Variants in CSMD2 observed in about 807,000 individuals in gnomAD.
CSMD2 encodes CUB and sushi domain-containing protein 2.
Under a neutral mutation model 398.5 loss-of-function variants are expected in CSMD2, and 130 were observed. The observed-to-expected ratio is 0.33, with a 90% CI of 0.28 to 0.38. The LOEUF (loss-of-function observed/expected upper bound fraction) is 0.38. Among genes scored for constraint, CSMD2 ranks in the 10% least tolerant of loss-of-function variants. CSMD2 has a pLI of 1.00. For missense variants in CSMD2, 3,829 were observed against 4,764.9 expected, an observed-to-expected ratio of 0.80 and a Z score of 5.78; for synonymous variants, 1,828 against 1,908.5, an observed-to-expected ratio of 0.96 and a Z score of 1.10.
At chr1:33,890,398 T>G (rs1166374217) in intron 5 of CSMD2, among the ~76,000 whole-genome samples, 1 of 151,904 alleles carries the variant, frequency 6.6e-6, no homozygotes, top group Non-Finnish European at 1.5e-5. Flanking sequence ...GCCTGGCTAA[T>G]TTTTTGTATT....
In CSMD2 at chr1:33,918,267, C is replaced by T. The variant is rs375141800; in HGVS notation, c.747G>A (p.Gln249=). ...AGTGGGGGCTGGAGATGATGCCACT[C>T]TGGCCCCGCAGGGTCCCACCACAGG... ...DDACGGTLRG[Q]SGIISSPHFP... The change falls in exon 5 of 71, where the codon CAG becomes CAA. Residue 249 remains glutamine (Q), a synonymous_variant. Transcript: ENST00000373381. 1.9e-6 allele frequency: 3 copies of T among 1,613,946 alleles called. No individual in the cohort carries two copies. The African/African-American group carries it at 4.0e-5, about 22-fold the overall frequency.
chr1:33,947,498 C>G (rs150686538), intron 3 of CSMD2, among the ~76,000 whole-genome samples: 18 of 152,338 alleles, frequency 1.2e-4, no homozygotes, highest in African/African-American at 3.8e-4. Context: ...CAGCACACCT[C>G]ACAGCCATCT....
chr1:33,581,529 C>CAAAAAAAAAAAAAAAAAAAAA (rs59068586), intron 47 of CSMD2, among the ~76,000 whole-genome samples: 1 of 36,880 alleles, frequency 2.7e-5, no homozygotes, highest in Non-Finnish European at 4.9e-5. Flanking sequence ...GACTCAGTCT[C>CAAAAAAAAAAAAAAAAAAAAA]AAAAAAAAAA....
In CSMD2 at chr1:33,583,701, G is replaced by T; in HGVS notation, c.7181C>A (p.Ser2394Tyr). 6.2e-7 allele frequency: 1 copy of T among 1,614,224 alleles called. No individual in the cohort carries two copies. The highest frequency in any genetic ancestry group is 8.5e-7 in the Non-Finnish European group (1 of 1,180,036). ...GCTGAGGAAGTACTCCACTGTGAGGGAGATGTTATAGTCGGGCTCCACTCT... is the reference window on the plus strand; with the variant it reads ...GCTGAGGAAGTACTCCACTGTGAGGTAGATGTTATAGTCGGGCTCCACTCT... ...LVRVEPDYNI[S>Y]LTVEYFLSEK... The change falls in exon 47 of 71, where the codon TCC (serine) becomes TAC (tyrosine). Residue 2394 changes from serine (S) to tyrosine (Y), a missense_variant. Coordinates refer to ENST00000373381, the MANE Select transcript of CSMD2 (RefSeq NM_001281956.2).
chr1:33,748,192 G>T (rs1291719586), intron 13 of CSMD2, among the ~76,000 whole-genome samples: 1 of 152,216 alleles, frequency 6.6e-6, no homozygotes, highest in Non-Finnish European at 1.5e-5. Context: ...GTCTTACAAA[G>T]ATCTAATCTT....
In CSMD2 at chr1:33,625,058, C is replaced by G; in HGVS notation, c.5493G>C (p.Thr1831=). Residue 1831 remains threonine, a synonymous_variant, in exon 34 of 71, where the codon ACG becomes ACC. Transcript: ENST00000373381. Reference sequence around the variant, plus strand: ...CGGGTCCTGGTTACTCACCCACACACGTGGGCGCTGAGACATTCCATTGGG... The same window carrying G: ...CGGGTCCTGGTTACTCACCCACACAGGTGGGCGCTGAGACATTCCATTGGG... ...ALAQWNVSAP[T]CVVPCGGNLT... 1 of 1,613,942 alleles carries G rather than the reference C, an allele frequency of 6.2e-7. No homozygotes were observed. The highest frequency in any genetic ancestry group is 2.2e-5 in the East Asian group (1 of 44,860).
At chr1:34,081,901 G>C (rs1435708517) in intron 2 of CSMD2, among the ~76,000 whole-genome samples, 1 of 149,758 alleles carries the variant, frequency 6.7e-6, no homozygotes, top group Non-Finnish European at 1.5e-5. Context: ...CAGCCGCCCA[G>C]TCTGGGAAGT....
intron 6 of CSMD2, among the ~76,000 whole-genome samples, chr1:33,833,484 T>A (rs1470950605): frequency 6.7e-6 from 1 of 148,576 alleles, no homozygotes; most frequent in Non-Finnish European, 1.5e-5. Flanking sequence ...ATAAATTAGG[T>A]ATTGATGGGA....
chr1:33,827,792 G>GT (rs1234366341), intron 6 of CSMD2, among the ~76,000 whole-genome samples: 1 of 152,212 alleles, frequency 6.6e-6, no homozygotes, highest in East Asian at 1.9e-4. Context: ...GTGACTTGCT[G>GT]TAAGTCACAC....
At chr1:33,670,253 C>A (rs113765694) in intron 25 of CSMD2, among the ~76,000 whole-genome samples, 1,828 of 152,310 alleles carry the variant, frequency 0.012, 17 homozygotes, top group Non-Finnish European at 0.018. Flanking sequence ...AATCCCTTAA[C>A]TCTTGTGCCA....
rs539347010 is a variant in CSMD2 at position 33,773,652 on chromosome 1, G to T, written c.1664-901C>A. Among the ~76,000 whole-genome samples, 10 of 152,324 alleles carry T rather than the reference G, an allele frequency of 6.6e-5. No homozygotes were observed. In the South Asian group the frequency reaches 2.1e-3, roughly 32 times the overall value. ...GCTGTGAGAGATGGACGAGGAGGAG[G>T]GGGTGGTGGAGGGGAGGAGGAAGAA... On this transcript the variant is annotated intron_variant, in intron 12 of 70. Transcript: ENST00000373381.
At chr1:34,015,714 A>G (rs1647991985) in intron 3 of CSMD2, among the ~76,000 whole-genome samples, 1 of 152,230 alleles carries the variant, frequency 6.6e-6, no homozygotes, top group Non-Finnish European at 1.5e-5. Flanking sequence ...GGGATTAGAA[A>G]GCACTTTGGA....
intron 27 of CSMD2, among the ~76,000 whole-genome samples, chr1:33,656,131 C>T (rs551371505): frequency 2.6e-4 from 39 of 151,452 alleles, no homozygotes; most frequent in Non-Finnish European, 4.9e-4. Context: ...AAGAAGGAAT[C>T]GAAGAAGGGA....
At chr1:33,660,827 A>C (rs979767564) in intron 26 of CSMD2, among the ~76,000 whole-genome samples, 4 of 152,216 alleles carry the variant, frequency 2.6e-5, no homozygotes, top group Non-Finnish European at 5.9e-5. Flanking sequence ...CTGCATACAT[A>C]CACTATGAGA....
chr1:33,544,102 C>CTTTTTTTT (rs57678063), intron 57 of CSMD2, among the ~76,000 whole-genome samples: 4 of 89,346 alleles, frequency 4.5e-5, no homozygotes, highest in Admixed American at 1.2e-4. Context: ...CCATATTTGT[C>CTTTTTTTT]TTTTTTTTTT....
At chr1:33,717,715 G>T (rs549561340) in intron 19 of CSMD2, among the ~76,000 whole-genome samples, 23 of 151,456 alleles carry the variant, frequency 1.5e-4, no homozygotes, top group Non-Finnish European at 1.5e-5. Flanking sequence ...GGAGAAGAGG[G>T]CTAGGAGAGA....
At chr1:34,007,862 C>T (rs955159434) in intron 3 of CSMD2, among the ~76,000 whole-genome samples, 2 of 152,004 alleles carry the variant, frequency 1.3e-5, no homozygotes, top group Non-Finnish European at 2.9e-5. Context: ...TTTTAATTTT[C>T]TTCTTTGTGC....
At chr1:33,703,298 T>C (rs1645671429) in intron 22 of CSMD2, among the ~76,000 whole-genome samples, 3 of 152,252 alleles carry the variant, frequency 2.0e-5, no homozygotes, top group Admixed American at 2.0e-4. Flanking sequence ...AATCTATCTA[T>C]GTGATATTGA....
intron 3 of CSMD2, among the ~76,000 whole-genome samples, chr1:33,943,925 TACACACACACACACACACAC>T (rs57400434): frequency 6.9e-6 from 1 of 144,312 alleles, no homozygotes; most frequent in Non-Finnish European, 1.5e-5. Context: ...TAATCAGAAT[TACACACACACACACACACAC>T]ACACACACAC....
Sources: gnomAD v4.1 joint callset for allele counts (sites outside exome capture counted in the v4.1 genomes callset) on GRCh38, gnomAD v4.1.1 for gene constraint, MANE v1.5 for transcripts, NCBI Gene and HGNC (gene_info 2026-07-23, HGNC 2026-07-21) for gene names.